The following RAB5C variants were observed in gnomAD, a reference collection of about 807,000 sequenced individuals.
RAB5C encodes RAB5C, member RAS oncogene family, also known as ras-related protein Rab-5C.
Under a neutral mutation model 25.2 loss-of-function variants are expected in RAB5C, and 4 were observed. The observed-to-expected ratio is 0.16, with a 90% CI of 0.08 to 0.36. The LOEUF (loss-of-function observed/expected upper bound fraction) is 0.36. Ranked by LOEUF, RAB5C falls within the 10% of genes least tolerant of loss-of-function variation. The pLI, the probability that RAB5C is intolerant of heterozygous loss-of-function variation, is 1.00. For synonymous variants in RAB5C, 100 were observed against 106.4 expected, an observed-to-expected ratio of 0.94 and a Z score of 0.37; for missense variants, 199 against 283.8, an observed-to-expected ratio of 0.70 and a Z score of 2.15.
In RAB5C at chr17:42,125,903, T is replaced by C; in HGVS notation, c.536-5A>G. The C allele has an allele frequency of 6.2e-7, 1 of 1,601,258 alleles. No individual in the cohort carries two copies. The highest frequency in any genetic ancestry group is 8.5e-7 in the Non-Finnish European group (1 of 1,172,854). On this transcript the variant is annotated splice_polypyrimidine_tract_variant and splice_region_variant and intron_variant, in intron 5 of 5. Transcript: ENST00000346213. ...CGTTCTTGGGAAGCTTCTTAGCTGT[T>C]TGGGAGGGGGAAAAGTGCATTTGTT...
chr17:42,138,119 T>C (rs1267666987), intron 1 of RAB5C, among the ~76,000 whole-genome samples: 1 of 152,210 alleles, frequency 6.6e-6, no homozygotes, highest in Non-Finnish European at 1.5e-5. Flanking sequence ...GATATTTATG[T>C]CTTTTCGATG....
intron 1 of RAB5C, among the ~76,000 whole-genome samples, chr17:42,150,909 G>A (rs908465235): frequency 3.3e-5 from 5 of 152,044 alleles, no homozygotes; most frequent in Non-Finnish European, 5.9e-5. Flanking sequence ...GCTATTTTGT[G>A]GGCATCCAGT....
chr17:42,142,281 C>A (rs963429101), intron 1 of RAB5C, among the ~76,000 whole-genome samples: 1 of 152,014 alleles, frequency 6.6e-6, no homozygotes, highest in Non-Finnish European at 1.5e-5. Context: ...GCAATCCCCC[C>A]GCCTTGGCCT....
intron 4 of RAB5C, among the ~76,000 whole-genome samples, chr17:42,127,433 AAGT>A (rs1249909527): frequency 1.3e-5 from 2 of 152,238 alleles, no homozygotes; most frequent in African/African-American, 4.8e-5. Flanking sequence ...AAGAAAAGAG[AAGT>A]AGAAGGCTAG....
At chr17:42,152,907 A>G (rs2079681500) in intron 1 of RAB5C, among the ~76,000 whole-genome samples, 1 of 152,096 alleles carries the variant, frequency 6.6e-6, no homozygotes, top group Non-Finnish European at 1.5e-5. Flanking sequence ...ACTGCGGTCT[A>G]CTCCTGAAGA....
intron 4 of RAB5C, among the ~76,000 whole-genome samples, chr17:42,127,130 GAAAGTTAACCTAC>G (rs1392152340): frequency 2.0e-5 from 3 of 152,208 alleles, no homozygotes. Context: ...AATACTTCTA[GAAAGTTAACCTAC>G]AAATACACTT....
At chr17:42,131,682 C>A in intron 1 of RAB5C, 1 of 1,397,484 alleles carries the variant, frequency 7.2e-7, no homozygotes, top group Non-Finnish European at 9.8e-7. Context: ...AGGGCAGAGA[C>A]CAAGTCCTGC....
At chr17:42,146,805 G>A (rs2079637968) in intron 1 of RAB5C, among the ~76,000 whole-genome samples, 1 of 150,258 alleles carries the variant, frequency 6.7e-6, no homozygotes, top group Non-Finnish European at 1.5e-5. Context: ...AGGAGATGGA[G>A]ACCATCCTGG....
At chr17:42,137,076 T>G (rs1236060171) in intron 1 of RAB5C, among the ~76,000 whole-genome samples, 1 of 151,640 alleles carries the variant, frequency 6.6e-6, no homozygotes, top group East Asian at 1.9e-4. Flanking sequence ...GAGGCTGAGG[T>G]GGGTGGATCA....
rs150154189 is a variant in RAB5C, at chr17:42,148,509, A to G, written c.-89+6384T>C. On this transcript the variant is annotated intron_variant, in intron 1 of 5. Transcript: ENST00000346213. Reference sequence around the variant, plus strand: ...CTTTAACAACTTCAGTAGGGAGCCTACTATGCTGAGTGCCATGCCAGGTCC... The same window carrying G: ...CTTTAACAACTTCAGTAGGGAGCCTGCTATGCTGAGTGCCATGCCAGGTCC... Among the ~76,000 whole-genome samples the G allele has an allele frequency of 2.7e-4, 41 of 152,060 alleles. 1 individual carries two copies. In the East Asian group the frequency reaches 7.5e-3, roughly 28 times the overall value.
intron 1 of RAB5C, among the ~76,000 whole-genome samples, chr17:42,140,116 G>C (rs1376218947): frequency 6.6e-6 from 1 of 152,122 alleles, no homozygotes; most frequent in South Asian, 2.1e-4. Context: ...CCTAGGCCCA[G>C]AAAGACTCCA....
chr17:42,154,133 G>C (rs889229081), intron 1 of RAB5C, among the ~76,000 whole-genome samples: 1 of 152,192 alleles, frequency 6.6e-6, no homozygotes, highest in Non-Finnish European at 1.5e-5. Context: ...GCTGAGCCTG[G>C]AGCAAGGGGG....
intron 1 of RAB5C, among the ~76,000 whole-genome samples, chr17:42,131,990 C>G (rs1209179538): frequency 6.6e-6 from 1 of 152,112 alleles, no homozygotes; most frequent in Non-Finnish European, 1.5e-5. Flanking sequence ...ATTAGGCTGC[C>G]CTTTGCATAA....
chr17:42,151,413 G>A (rs2079670642), intron 1 of RAB5C, among the ~76,000 whole-genome samples: 1 of 151,974 alleles, frequency 6.6e-6, no homozygotes, highest in African/African-American at 2.4e-5. Flanking sequence ...CTCCAGCCTA[G>A]GCGACAGAGC....
At chr17:42,147,087 A>AGAAG (rs2144096010) in intron 1 of RAB5C, among the ~76,000 whole-genome samples, 1 of 151,842 alleles carries the variant, frequency 6.6e-6, no homozygotes, top group African/African-American at 2.4e-5. Context: ...AAAGAAAGAA[A>AGAAG]GAAAGAAAGA....
intron 1 of RAB5C, among the ~76,000 whole-genome samples, chr17:42,132,165 C>A (rs2054492623): frequency 6.6e-6 from 1 of 152,144 alleles, no homozygotes; most frequent in African/African-American, 2.4e-5. Context: ...TTTTGTTCAA[C>A]CTCAAATCGT....
At chr17:42,150,108 C>T (rs1268943329) in intron 1 of RAB5C, among the ~76,000 whole-genome samples, 1 of 151,686 alleles carries the variant, frequency 6.6e-6, no homozygotes, top group Non-Finnish European at 1.5e-5. Context: ...TGGTCTCGAA[C>T]TCCTGACTTC....
At chr17:42,143,889 C>T (rs879795774) in intron 1 of RAB5C, among the ~76,000 whole-genome samples, 1 of 151,910 alleles carries the variant, frequency 6.6e-6, no homozygotes, top group Non-Finnish European at 1.5e-5. Context: ...TGCTTCAAAC[C>T]ATTCTCCTGC....
At chr17:42,149,453 A>T (rs1198484167) in intron 1 of RAB5C, among the ~76,000 whole-genome samples, 13 of 152,112 alleles carry the variant, frequency 8.5e-5, no homozygotes, top group East Asian at 7.7e-4. Context: ...ATGGTGGTAC[A>T]TGCCTACAGT....
Sources: allele counts gnomAD v4.1 joint callset (sites outside exome capture counted in the v4.1 genomes callset), GRCh38; gene constraint gnomAD v4.1.1; transcripts MANE v1.5; gene names NCBI Gene and HGNC (gene_info 2026-07-23, HGNC 2026-07-21).